The following ANKH variants were observed in gnomAD, a reference collection of about 807,000 sequenced individuals.
ANKH encodes mineralization regulator ANKH.
Under a neutral mutation model 49.0 loss-of-function variants are expected in ANKH, and 15 were observed. The observed-to-expected ratio is 0.31, with a 90% confidence interval of 0.20 to 0.47. ANKH has a LOEUF of 0.47. Among genes scored for constraint, ANKH ranks in the 20% least tolerant of loss-of-function variants. The pLI, the probability that ANKH is intolerant of heterozygous loss-of-function variation, is 1.00. For synonymous variants in ANKH, 273 were observed against 260.0 expected (o/e 1.05, Z -0.48); for missense variants, 429 against 652.0 (o/e 0.66, Z 3.72).
chr5:14,852,902 T>C (rs1027300758), intron 1 of ANKH, among the ~76,000 whole-genome samples: 1 of 152,036 alleles, frequency 6.6e-6, no homozygotes, highest in East Asian at 1.9e-4. Context: ...GGAGAATTCA[T>C]TCCCATCACA....
intron 8 of ANKH, among the ~76,000 whole-genome samples, chr5:14,730,061 G>A (rs1311323106): frequency 6.6e-6 from 1 of 152,212 alleles, no homozygotes; most frequent in Non-Finnish European, 1.5e-5. Context: ...CCGCTGTGCT[G>A]TGATCCATGC....
chr5:14,745,584 T>TTGA lies in ANKH; in HGVS notation c.915+285_915+286insTCA, dbSNP rs948958023. ...CCCATAAATTGATTTTGGGGGAAGT[T>TTGA]TATTTTCCCTTTCGCAAACAAATCA... On this transcript the variant is annotated intron_variant, in intron 7 of 11. Transcript: ENST00000284268. This position sits in a 1 kb window ranked among gnomAD's most constrained non-coding sequence, Gnocchi z 4.7. 6.6e-6 allele frequency among the ~76,000 whole-genome samples: 1 copy of TTGA among 152,210 alleles called. No individual in the cohort carries two copies. Among genetic ancestry groups the TTGA allele is most frequent in the African/African-American group, 2.4e-5 (1 of 41,458 alleles).
chr5:14,758,889 T>G (rs1007685244), intron 2 of ANKH, among the ~76,000 whole-genome samples: 1 of 152,346 alleles, frequency 6.6e-6, no homozygotes, highest in African/African-American at 2.4e-5. Context: ...CATCTTTCCA[T>G]GATATACTTC....
In ANKH at chr5:14,725,821, C is replaced by T. The variant is rs1737805479; in HGVS notation, c.1012-8986G>A. ...AGTGCAGTGGCACGATCTTGGCTCA[C>T]TGCAATCTCCGCTTCCCGGGTTCAA... On this transcript the variant is annotated intron_variant, in intron 8 of 11. Coordinates refer to ENST00000284268, the MANE Select transcript of ANKH (RefSeq NM_054027.6). This position sits in a 1 kb window ranked among gnomAD's most constrained non-coding sequence, Gnocchi z 4.0. Among the ~76,000 whole-genome samples the T allele has an allele frequency of 6.6e-6, 1 of 152,254 alleles. No individual in the cohort carries two copies. Among genetic ancestry groups the T allele is most frequent in the Non-Finnish European group, 1.5e-5 (1 of 68,054 alleles).
In ANKH at chr5:14,752,728, T is replaced by G. The variant is rs112363186; in HGVS notation, c.517-1489A>C. Reference sequence around the variant, plus strand: ...GGGCTGGTGGGAAAGAGTGTGTGACTGAGGAGCGGGTAGTCAACAGAGCAA... The same window carrying G: ...GGGCTGGTGGGAAAGAGTGTGTGACGGAGGAGCGGGTAGTCAACAGAGCAA... On this transcript the variant is annotated intron_variant, in intron 4 of 11. Transcript: ENST00000284268. Among the ~76,000 whole-genome samples the G allele has an allele frequency of 8.6e-3, 1,298 of 151,178 alleles. 20 individuals carry two copies. Among genetic ancestry groups the G allele is most frequent in the African/African-American group, 0.03 (1,231 of 41,156 alleles).
intron 1 of ANKH, among the ~76,000 whole-genome samples, chr5:14,821,097 T>TAA (rs34183956): frequency 0.46 from 67,719 of 146,654 alleles, 15,633 homozygotes; most frequent in East Asian, 0.73. Flanking sequence ...GACCCTGTCT[T>TAA]AAAAAAAAAA....
At chr5:14,849,027 G>A (rs1379521775) in intron 1 of ANKH, among the ~76,000 whole-genome samples, 4 of 152,188 alleles carry the variant, frequency 2.6e-5, no homozygotes, top group Non-Finnish European at 1.5e-5. Context: ...TACAAGCCCC[G>A]TGTTTAAAGG....
intron 8 of ANKH, among the ~76,000 whole-genome samples, chr5:14,736,006 C>CTTATTTTTT (rs1404880920): frequency 1.2e-5 from 1 of 83,662 alleles, no homozygotes; most frequent in African/African-American, 5.8e-5. Flanking sequence ...AAAAACCTAA[C>CTTATTTTTT]TTTTTTTTTT....
intron 5 of ANKH, among the ~76,000 whole-genome samples, chr5:14,750,599 A>G (rs1365472841): frequency 1.3e-5 from 2 of 152,154 alleles, no homozygotes; most frequent in African/African-American, 4.8e-5. Context: ...GCCCTATGGT[A>G]CCTAACGTTG....
At chr5:14,844,383 C>CA (rs1741898675) in intron 1 of ANKH, among the ~76,000 whole-genome samples, 1 of 152,132 alleles carries the variant, frequency 6.6e-6, no homozygotes, top group Non-Finnish European at 1.5e-5. Context: ...GTGCTTTTGC[C>CA]AAATTTCTTG....
chr5:14,787,233 G>A (rs753572831), intron 1 of ANKH, among the ~76,000 whole-genome samples: 23 of 152,188 alleles, frequency 1.5e-4, no homozygotes, highest in Admixed American at 5.2e-4. Flanking sequence ...AGAATTGCTT[G>A]AACCTGGGAG....
At chr5:14,810,402 G>T (rs373544103) in intron 1 of ANKH, among the ~76,000 whole-genome samples, 14 of 151,726 alleles carry the variant, frequency 9.2e-5, no homozygotes, top group African/African-American at 3.1e-4. Flanking sequence ...CAGGTGATCC[G>T]CCTGCCTCAG....
intron 1 of ANKH, among the ~76,000 whole-genome samples, chr5:14,808,902 T>G (rs13362490): frequency 9.7e-6 from 1 of 102,874 alleles, no homozygotes; most frequent in East Asian, 2.6e-4. Flanking sequence ...TATTGCGGCA[T>G]TATTCACAAT....
intron 1 of ANKH, among the ~76,000 whole-genome samples, chr5:14,860,150 G>C (rs1042247375): frequency 2.0e-5 from 3 of 152,226 alleles, no homozygotes; most frequent in African/African-American, 7.2e-5. Context: ...TCCAGGCCAG[G>C]TGTCTTCTCA....
intron 1 of ANKH, among the ~76,000 whole-genome samples, chr5:14,786,312 T>C (rs1002015723): frequency 6.6e-6 from 1 of 152,186 alleles, no homozygotes; most frequent in African/African-American, 2.4e-5. Context: ...GCAAACTATG[T>C]TCCTTGATGA....
chr5:14,713,863 C>T lies in ANKH; in HGVS notation c.1142-196G>A, dbSNP rs963318725. Among the ~76,000 whole-genome samples, 3 of 152,230 alleles carry T rather than the reference C, an allele frequency of 2.0e-5. No homozygotes were observed. The highest frequency in any genetic ancestry group is 4.8e-5 in the African/African-American group (2 of 41,448). Reference sequence around the variant, plus strand: ...TGAGCCTAGGCCCGCCTCGGCTCCCCGCCTCCTCACAGCCCTTTGGATCTA... The same window carrying T: ...TGAGCCTAGGCCCGCCTCGGCTCCCTGCCTCCTCACAGCCCTTTGGATCTA... On this transcript the variant is annotated intron_variant, in intron 9 of 11. Coordinates refer to ENST00000284268, the MANE Select transcript of ANKH (RefSeq NM_054027.6). This position sits in a 1 kb window ranked among gnomAD's most constrained non-coding sequence, Gnocchi z 4.4.
At chr5:14,840,963 A>G (rs1326877323) in intron 1 of ANKH, among the ~76,000 whole-genome samples, 1 of 152,232 alleles carries the variant, frequency 6.6e-6, no homozygotes, top group Non-Finnish European at 1.5e-5. Flanking sequence ...TTGGTTTTTT[A>G]TAACTTGACA....
chr5:14,846,807 C>A (rs937532495), intron 1 of ANKH, among the ~76,000 whole-genome samples: 2 of 151,906 alleles, frequency 1.3e-5, no homozygotes, highest in African/African-American at 4.8e-5. Context: ...GCCTGGCCAA[C>A]ATGGTAAAAC....
At chr5:14,791,227 A>G (rs1051481090) in intron 1 of ANKH, among the ~76,000 whole-genome samples, 1 of 151,944 alleles carries the variant, frequency 6.6e-6, no homozygotes, top group African/African-American at 2.4e-5. Flanking sequence ...GTGCCTGGAG[A>G]GGGATGTGAA....
Sources: gnomAD v4.1 joint callset for allele counts (sites outside exome capture counted in the v4.1 genomes callset) on GRCh38, gnomAD v4.1.1 for gene constraint, Gnocchi (gnomAD v3.1) non-coding constraint, MANE v1.5 for transcripts, NCBI Gene and HGNC (gene_info 2026-07-23, HGNC 2026-07-21) for gene names.